The following SLC16A7 variants were observed in gnomAD, a reference collection of about 807,000 sequenced individuals.
The protein encoded by SLC16A7 is solute carrier family 16 member 7.
Under a neutral mutation model 34.9 loss-of-function variants are expected in SLC16A7, and 33 were observed. The observed-to-expected ratio is 0.94, with a 90% confidence interval of 0.72 to 1.26. SLC16A7 has a LOEUF of 1.26. Among genes scored for constraint, SLC16A7 ranks in the 50% most tolerant of loss-of-function variants. The pLI, the probability that SLC16A7 is intolerant of heterozygous loss-of-function variation, is 0.00. For missense variants in SLC16A7, 573 were observed against 578.1 expected (o/e 0.99, Z 0.09); for synonymous variants, 201 against 206.6 (o/e 0.97, Z 0.23).
At chr12:59,757,665 C>G (rs1592658000) in intron 3 of SLC16A7, among the ~76,000 whole-genome samples, 2 of 152,052 alleles carry the variant, frequency 1.3e-5, no homozygotes, top group East Asian at 3.9e-4. Flanking sequence ...TCCTGCCTCT[C>G]CTGCCTCCCC....
intron 3 of SLC16A7, among the ~76,000 whole-genome samples, chr12:59,709,479 A>T (rs1013420251): frequency 1.3e-5 from 2 of 151,582 alleles, no homozygotes; most frequent in African/African-American, 4.9e-5. Flanking sequence ...TATTCTCTTA[A>T]AATTTTAAAT....
At chr12:59,707,819 C>T (rs1210927247) in intron 3 of SLC16A7, among the ~76,000 whole-genome samples, 1 of 152,070 alleles carries the variant, frequency 6.6e-6, no homozygotes, top group Non-Finnish European at 1.5e-5. Flanking sequence ...ATTATCGGGG[C>T]TAAAACATGC....
At chr12:59,663,031 GGA>G (rs1451988667) in intron 2 of SLC16A7, among the ~76,000 whole-genome samples, 2 of 151,856 alleles carry the variant, frequency 1.3e-5, no homozygotes, top group East Asian at 3.9e-4. Flanking sequence ...TTCTGTCAGT[GGA>G]TAGTATTTTT....
At position 59,704,445 on chromosome 12, in the gene SLC16A7, C is replaced by G. The variant is rs143683583; in HGVS notation, c.-30-327C>G. Among the ~76,000 whole-genome samples the G allele has an allele frequency of 1.4e-3, 213 of 152,136 alleles. 1 individual carries two copies. The highest frequency in any genetic ancestry group is 6.8e-3 in the Middle Eastern group (2 of 294). ...CTGGTGATTGAAGTAGAATATGTAT[C>G]AGATCTATCTTAGAGCTATGACTGA... On this transcript the variant is annotated intron_variant, in intron 2 of 5. Coordinates refer to ENST00000547379, the MANE Select transcript of SLC16A7 (RefSeq NM_001270623.2).
rs545780531 is a variant in SLC16A7 at position 59,623,024 on chromosome 12, A to C, written c.-130+26788A>C. On this transcript the variant is annotated intron_variant, in intron 1 of 5. Transcript: ENST00000547379. ...GATGACCAGTTAGCCTAGAGCAATA[A>C]ATAGCATTTCCCTACTGAATGCTGT... Among the ~76,000 whole-genome samples the C allele has an allele frequency of 6.8e-5, 10 of 147,280 alleles. 2 individuals carry two copies. Among genetic ancestry groups the C allele is most frequent in the African/African-American group, 2.5e-4 (10 of 39,836 alleles).
intron 1 of SLC16A7, among the ~76,000 whole-genome samples, chr12:59,647,163 A>G (rs1868262184): frequency 6.6e-6 from 1 of 152,074 alleles, no homozygotes; most frequent in South Asian, 2.1e-4. Flanking sequence ...GTGAGGACAT[A>G]AGATTTGGGA....
At chr12:59,699,302 A>G (rs1468409047) in intron 2 of SLC16A7, among the ~76,000 whole-genome samples, 1 of 151,716 alleles carries the variant, frequency 6.6e-6, no homozygotes, top group Non-Finnish European at 1.5e-5. Flanking sequence ...AACTAGTAAA[A>G]TAAAAGAACT....
At chr12:59,611,667 A>T (rs180982863) in intron 1 of SLC16A7, among the ~76,000 whole-genome samples, 13 of 152,332 alleles carry the variant, frequency 8.5e-5, no homozygotes, top group African/African-American at 2.4e-4. Context: ...CTTTCTGTCT[A>T]TGAGCCTGTA....
intron 2 of SLC16A7, among the ~76,000 whole-genome samples, chr12:59,657,667 C>T (rs1868604556): frequency 6.6e-6 from 1 of 151,976 alleles, no homozygotes; most frequent in Non-Finnish European, 1.5e-5. Context: ...TATATTTGAT[C>T]AGTCTTTTAG....
intron 3 of SLC16A7, among the ~76,000 whole-genome samples, chr12:59,753,064 T>C (rs1427797028): frequency 6.6e-6 from 1 of 152,078 alleles, no homozygotes; most frequent in Non-Finnish European, 1.5e-5. Context: ...CTGAGAGATT[T>C]TGTCACCACA....
chr12:59,640,431 C>CG (rs1332228650), intron 1 of SLC16A7, among the ~76,000 whole-genome samples: 2 of 151,814 alleles, frequency 1.3e-5, no homozygotes, highest in Non-Finnish European at 2.9e-5. Context: ...TTTATGCCCC[C>CG]CCAGAGAAAA....
chr12:59,761,709 C>T (rs1881033695), intron 3 of SLC16A7, among the ~76,000 whole-genome samples: 1 of 152,028 alleles, frequency 6.6e-6, no homozygotes, highest in African/African-American at 2.4e-5. Flanking sequence ...TGTCAAGAAA[C>T]AGGAGTAAAT....
chr12:59,716,360 G>GATTCATCTCT (rs1326332280), intron 3 of SLC16A7, among the ~76,000 whole-genome samples: 19 of 152,064 alleles, frequency 1.2e-4, no homozygotes, highest in African/African-American at 4.3e-4. Context: ...ATCTACGTCA[G>GATTCATCTCT]ATTCATCTCT....
At chr12:59,668,453 G>A (rs1414551267) in intron 2 of SLC16A7, among the ~76,000 whole-genome samples, 1 of 152,190 alleles carries the variant, frequency 6.6e-6, no homozygotes, top group African/African-American at 2.4e-5. Flanking sequence ...TTTAATGACT[G>A]CCGTATTGGA....
At chr12:59,599,344 A>G (rs983267415) in intron 1 of SLC16A7, among the ~76,000 whole-genome samples, 6 of 152,026 alleles carry the variant, frequency 3.9e-5, no homozygotes, top group Admixed American at 2.0e-4. Flanking sequence ...TCTTTTGAGG[A>G]TTCCTTTTCC....
intron 4 of SLC16A7, among the ~76,000 whole-genome samples, chr12:59,771,696 A>C (rs1212991576): frequency 6.6e-6 from 1 of 152,128 alleles, no homozygotes; most frequent in South Asian, 2.1e-4. Context: ...GATGTAAATA[A>C]ATACCTTCGT....
intron 2 of SLC16A7, among the ~76,000 whole-genome samples, chr12:59,682,431 A>G (rs1425461513): frequency 1.3e-5 from 2 of 152,202 alleles, no homozygotes; most frequent in African/African-American, 2.4e-5. Flanking sequence ...AGGTCACTGT[A>G]TTAGACGCTA....
chr12:59,623,465 T>A (rs1239580525), intron 1 of SLC16A7, among the ~76,000 whole-genome samples: 1 of 151,718 alleles, frequency 6.6e-6, no homozygotes, highest in African/African-American at 2.4e-5. Context: ...ATGTCTTATG[T>A]TTTTAAAAGT....
At chr12:59,597,244 C>CACAG (rs1878461597) in intron 1 of SLC16A7, 1 of 151,356 alleles carries the variant, frequency 6.6e-6, no homozygotes, top group Non-Finnish European at 1.5e-5. Context: ...CACACACACA[C>CACAG]ACACACACAC....
Sources: allele counts gnomAD v4.1 joint callset (sites outside exome capture counted in the v4.1 genomes callset), GRCh38; gene constraint gnomAD v4.1.1; transcripts MANE v1.5; gene names NCBI Gene and HGNC (gene_info 2026-07-23, HGNC 2026-07-21).